Variants in SYT16 observed in about 807,000 individuals in gnomAD.
SYT16 encodes the protein synaptotagmin-16.
A neutral mutation model predicts 61.4 loss-of-function variants in SYT16; 42 were observed. The ratio of observed to expected loss-of-function variants is 0.68; its 90% CI spans 0.53 to 0.89. SYT16 has a LOEUF of 0.89. Among genes scored for constraint, SYT16 ranks in the 40% least tolerant of loss-of-function variants. The pLI is 0.00. For synonymous variants in SYT16, 314 were observed against 302.3 expected, an observed-to-expected ratio of 1.04 and a Z score of -0.40; for missense variants, 804 against 807.3, an observed-to-expected ratio of 1.00 and a Z score of 0.05.
At chr14:62,090,971 A>G (rs1270540993) in intron 7 of SYT16, among the ~76,000 whole-genome samples, 2 of 152,176 alleles carry the variant, frequency 1.3e-5, no homozygotes, top group African/African-American at 4.8e-5. Flanking sequence ...AACAGCACGG[A>G]AAGACCCACC....
At chr14:62,078,310 C>T (rs1187773197) in intron 5 of SYT16, among the ~76,000 whole-genome samples, 1 of 151,908 alleles carries the variant, frequency 6.6e-6, no homozygotes, top group African/African-American at 2.4e-5. Flanking sequence ...TTAAGGCAGG[C>T]CTGGGACTCA....
At chr14:61,936,758 C>T (rs566858093) in intron 1 of SYT16, among the ~76,000 whole-genome samples, 2 of 152,248 alleles carry the variant, frequency 1.3e-5, no homozygotes, top group East Asian at 1.9e-4. Context: ...AGCTCTTTGA[C>T]GCTCCCAGAG....
At chr14:61,824,051 T>C (rs1412529269) in intron 1 of SYT16, among the ~76,000 whole-genome samples, 2 of 152,138 alleles carry the variant, frequency 1.3e-5, no homozygotes, top group Admixed American at 1.3e-4. Flanking sequence ...TTGGAGAAAA[T>C]TGGTCTATAT....
intron 3 of SYT16, among the ~76,000 whole-genome samples, chr14:62,011,866 A>G (rs1290865529): frequency 3.4e-5 from 2 of 58,388 alleles, no homozygotes; most frequent in African/African-American, 2.7e-4. Flanking sequence ...GTCAGGGAAC[A>G]CTATATATAC....
intron 1 of SYT16, among the ~76,000 whole-genome samples, chr14:61,915,499 T>G (rs188481391): frequency 2.0e-5 from 3 of 151,392 alleles, no homozygotes; most frequent in Admixed American, 6.6e-5. Flanking sequence ...TTAGGACAAC[T>G]TTTTTTTTAG....
intron 3 of SYT16, among the ~76,000 whole-genome samples, chr14:62,019,806 A>G (rs7142213): frequency 0.44 from 66,518 of 151,456 alleles, 14,948 homozygotes; most frequent in East Asian, 0.66. Flanking sequence ...GCGGGCACTG[A>G]CCGCTTTTCC....
intron 5 of SYT16, among the ~76,000 whole-genome samples, chr14:62,078,820 T>C (rs1294263915): frequency 2.0e-5 from 3 of 152,102 alleles, no homozygotes; most frequent in Non-Finnish European, 4.4e-5. Context: ...TGATAAGAAA[T>C]GAGAATTATA....
In SYT16 at chr14:61,832,174, CCTT is replaced by C. The variant is rs558701883; in HGVS notation, c.-325+19372_-325+19374del. 8.0e-4 allele frequency: 546 copies of C among 678,288 alleles called. 6 individuals are homozygous for C. Among genetic ancestry groups the C allele is most frequent in the South Asian group, 3.8e-3 (270 of 71,752 alleles). The allele number at this position is 678,288 out of a possible 1,614,324, so 42.0% of individuals were successfully genotyped here. ...GAGCGGTTGCTCCAGGAGGCCTTCT[CCTT>C]CTTCTTCACGGCTTTCTGTCTGGCA... On this transcript the variant is annotated intron_variant, in intron 1 of 7. Coordinates refer to ENST00000683842, the MANE Select transcript of SYT16 (RefSeq NM_001367656.1).
In SYT16 at chr14:61,954,308, C is replaced by CTT. The variant is rs35213867; in HGVS notation, c.-324-15808_-324-15807dup. On this transcript the variant is annotated intron_variant, in intron 1 of 7. Coordinates refer to ENST00000683842, the MANE Select transcript of SYT16 (RefSeq NM_001367656.1). ...AGTCAGATGGCTGCAATTGGTTAGCCTTTTTTTTTTTTTTTTTACCCCTTC... is the reference window on the plus strand; with the variant it reads ...AGTCAGATGGCTGCAATTGGTTAGCCTTTTTTTTTTTTTTTTTTTACCCCTTC... 3.6e-3 allele frequency among the ~76,000 whole-genome samples: 495 copies of CTT among 138,138 alleles called. 2 individuals are homozygous for CTT. The highest frequency in any genetic ancestry group is 5.3e-3 in the South Asian group (23 of 4,340). 90.6% of individuals were successfully genotyped at this position (138,138 alleles called of 152,430 possible).
At chr14:61,916,526 A>G (rs1321244763) in intron 1 of SYT16, among the ~76,000 whole-genome samples, 1 of 152,180 alleles carries the variant, frequency 6.6e-6, no homozygotes, top group Non-Finnish European at 1.5e-5. Context: ...ACTATGTATA[A>G]TGATGAAATC....
intron 3 of SYT16, among the ~76,000 whole-genome samples, chr14:62,031,384 G>A (rs1481341928): frequency 6.6e-6 from 1 of 152,158 alleles, no homozygotes; most frequent in East Asian, 1.9e-4. Context: ...AAATGGAGAT[G>A]ATGTTCACAG....
chr14:62,034,476 A>G (rs2054427245), intron 3 of SYT16, among the ~76,000 whole-genome samples: 1 of 152,214 alleles, frequency 6.6e-6, no homozygotes. Context: ...TGATGAATGC[A>G]TCAACAAAAT....
In SYT16 at chr14:61,978,516, TG is replaced by T. The variant is rs1370252590; in HGVS notation, c.-145+8206del. On this transcript the variant is annotated intron_variant, in intron 2 of 7. Transcript: ENST00000683842. ...CTGGGAAGCTTTTAAAAACTACAAG[TG>T]TGAGGCTCACTGCAAATTAATTACA... Among the ~76,000 whole-genome samples the T allele has an allele frequency of 4.6e-5, 7 of 152,310 alleles. No individual in the cohort carries two copies. The East Asian group carries it at 1.3e-3, about 29-fold the overall frequency.
chr14:61,918,945 T>G (rs1287687689), intron 1 of SYT16, among the ~76,000 whole-genome samples: 1 of 152,126 alleles, frequency 6.6e-6, no homozygotes, highest in Non-Finnish European at 1.5e-5. Context: ...TTTTTATAAC[T>G]TTTGGAAATA....
chr14:61,922,785 C>G (rs1317735628), intron 1 of SYT16, among the ~76,000 whole-genome samples: 1 of 152,172 alleles, frequency 6.6e-6, no homozygotes, highest in African/African-American at 2.4e-5. Flanking sequence ...CGTGGTAGCT[C>G]ACGCCTGTAA....
At chr14:61,997,756 A>G (rs138464027) in intron 3 of SYT16, among the ~76,000 whole-genome samples, 1 of 152,204 alleles carries the variant, frequency 6.6e-6, no homozygotes, top group East Asian at 1.9e-4. Flanking sequence ...TGAAATTTCG[A>G]TTCCTATTTT....
intron 1 of SYT16, among the ~76,000 whole-genome samples, chr14:61,854,289 A>G (rs907013935): frequency 3.9e-5 from 6 of 152,254 alleles, no homozygotes; most frequent in Admixed American, 2.6e-4. Flanking sequence ...TAAATAATAT[A>G]ATTTTGCCAC....
intron 1 of SYT16, among the ~76,000 whole-genome samples, chr14:61,905,760 TC>T (rs10610485): frequency 0.88 from 123,933 of 140,126 alleles, 54,666 homozygotes; most frequent in East Asian, 0.98. Context: ...TTCTTCTTCT[TC>T]TTTTTTTTTT....
intron 1 of SYT16, among the ~76,000 whole-genome samples, chr14:61,897,949 G>A (rs1362104889): frequency 6.6e-6 from 1 of 152,108 alleles, no homozygotes; most frequent in Non-Finnish European, 1.5e-5. Flanking sequence ...TGCACACGTG[G>A]TTCTTCCTGT....
Sources: allele counts gnomAD v4.1 joint callset (sites outside exome capture counted in the v4.1 genomes callset), GRCh38; gene constraint gnomAD v4.1.1; transcripts MANE v1.5; gene names NCBI Gene and HGNC (gene_info 2026-07-23, HGNC 2026-07-21).